The following FAM13B variants were observed in gnomAD, a reference collection of about 807,000 sequenced individuals.
FAM13B encodes protein FAM13B.
FAM13B carries 60 observed loss-of-function variants against 117.3 expected under a neutral mutation model. The ratio of observed to expected loss-of-function variants is 0.51; its 90% CI spans 0.42 to 0.63. FAM13B has a LOEUF of 0.63. Among genes scored for constraint, FAM13B ranks in the 30% least tolerant of loss-of-function variants. FAM13B has a pLI of 0.00. For missense variants in FAM13B, 972 were observed against 1,091.9 expected (o/e 0.89, Z 1.55); for synonymous variants, 332 against 356.1 (o/e 0.93, Z 0.76).
intron 22 of FAM13B, 193 bp from the exon 23 acceptor site, chr5:137,942,238 GAA>G (rs1177134239): frequency 1.7e-6 from 1 of 583,932 alleles, no homozygotes; most frequent in Admixed American, 3.0e-5. Context: ...TCTTCCCAGT[GAA>G]GTCAGGGCTC....
chr5:138,033,286 G>A (rs1461022020), upstream of FAM13B, among the ~76,000 whole-genome samples: 1 of 152,226 alleles, frequency 6.6e-6, no homozygotes, highest in Non-Finnish European at 1.5e-5. Flanking sequence ...GGGGCGGGTT[G>A]TGGGGTCCTC....
chr5:138,032,897 C>T lies in FAM13B; in HGVS notation c.-318G>A, dbSNP rs1790538216. 2 of 985,726 alleles carry T rather than the reference C, an allele frequency of 2.0e-6. No homozygotes were observed. Among genetic ancestry groups the T allele is most frequent in the Non-Finnish European group, 2.4e-6 (2 of 829,998 alleles). 61.1% of individuals were successfully genotyped at this position (985,726 alleles called of 1,614,324 possible). A position where few individuals can be genotyped will look rare whatever the true frequency, so the allele number is the denominator to read the frequency against. ...GGCTCCGCGGCCGAGAAGCCTCTTC[C>T]TGGGGCGGCCGCTGACGGGAGGTTA... On this transcript the variant is annotated 5_prime_UTR_variant, in exon 1 of 24. Transcript: ENST00000689681.
intron 6 of FAM13B, 92 bp from the exon 7 acceptor site, chr5:138,007,239 C>G: frequency 1.0e-6 from 1 of 1,001,502 alleles, no homozygotes; most frequent in Non-Finnish European, 1.4e-6. Context: ...TAAACACAAA[C>G]AACTCATTTT....
intron 9 of FAM13B, among the ~76,000 whole-genome samples, chr5:137,986,367 CT>C (rs201038309): frequency 3.3e-5 from 5 of 150,190 alleles, no homozygotes; most frequent in African/African-American, 2.5e-5. Context: ...CCCCAATTAT[CT>C]TTTTTTTTCC....
chr5:137,976,602 C>T (rs1303802112), intron 10 of FAM13B, among the ~76,000 whole-genome samples: 2 of 152,110 alleles, frequency 1.3e-5, no homozygotes, highest in Admixed American at 6.6e-5. Context: ...GGCAGAAGAA[C>T]GTGGATTGTG....
intron 1 of FAM13B, among the ~76,000 whole-genome samples, chr5:138,041,233 G>T (rs1791492857): frequency 6.6e-6 from 1 of 152,152 alleles, no homozygotes; most frequent in Non-Finnish European, 1.5e-5. Flanking sequence ...CAAAATGCGA[G>T]AAGTAATGGT....
intron 22 of FAM13B, chr5:137,942,664 G>T (rs1762208902): frequency 1.9e-6 from 1 of 523,368 alleles, no homozygotes; most frequent in Non-Finnish European, 3.2e-6. Flanking sequence ...TGCCTGGCTA[G>T]ATTTTTTTTT....
At chr5:137,958,391 A>G (rs1262545438) in intron 13 of FAM13B, among the ~76,000 whole-genome samples, 5 of 152,188 alleles carry the variant, frequency 3.3e-5, no homozygotes, top group African/African-American at 1.2e-4. Flanking sequence ...AGATGGCAAT[A>G]AAAATTGGCA....
intron 10 of FAM13B, among the ~76,000 whole-genome samples, chr5:137,967,550 A>G (rs1770433779): frequency 6.6e-6 from 1 of 152,038 alleles, no homozygotes; most frequent in Admixed American, 6.6e-5. Flanking sequence ...ACCAAAAAGG[A>G]AAAATACCAT....
chr5:138,018,408 T>C lies in FAM13B; in HGVS notation c.264A>G (p.Glu88=), dbSNP rs764395189. The change falls in exon 4 of 24, where the codon GAA becomes GAG. Residue 88 remains glutamate (E), a synonymous_variant. Transcript: ENST00000689681. Reference sequence around the variant, plus strand: ...GGCTAATAGCTGAGGGAACATCTGCTTCCTTAACCAAATCCACCTCTTCTC... The same window carrying C: ...GGCTAATAGCTGAGGGAACATCTGCCTCCTTAACCAAATCCACCTCTTCTC... The part of the protein sequence containing the change: ...DSGEEVDLVK[E]ADVPSAISLL... 1.2e-6 allele frequency: 2 copies of C among 1,614,028 alleles called. No individual in the cohort carries two copies. Among genetic ancestry groups the C allele is most frequent in the East Asian group, 2.2e-5 (1 of 44,884 alleles).
At chr5:138,003,208 T>A (rs1410105141) in intron 7 of FAM13B, among the ~76,000 whole-genome samples, 1 of 152,160 alleles carries the variant, frequency 6.6e-6, no homozygotes, top group Non-Finnish European at 1.5e-5. Context: ...AATATGAGCA[T>A]CTTTAATAAC....
intron 1 of FAM13B, among the ~76,000 whole-genome samples, chr5:138,049,070 T>C (rs1581336679): frequency 6.6e-6 from 1 of 151,498 alleles, no homozygotes; most frequent in Non-Finnish European, 1.5e-5. Flanking sequence ...GCCACCCGAC[T>C]AGCTGGAGTT....
At chr5:137,987,727 G>A in intron 8 of FAM13B, 111 bp from the exon 9 acceptor site, 1 of 959,566 alleles carries the variant, frequency 1.0e-6, no homozygotes, top group South Asian at 2.3e-5. Context: ...TACTTAAATG[G>A]GTAAACCAAA....
chr5:138,028,245 T>C (rs535510172), intron 1 of FAM13B, among the ~76,000 whole-genome samples: 3 of 152,360 alleles, frequency 2.0e-5, no homozygotes, highest in African/African-American at 7.2e-5. Context: ...GTAGAAGCTA[T>C]TTCTTGCAAC....
At chr5:137,949,264 CAAGA>C (rs1764269064) in intron 17 of FAM13B, 80 bp from the exon 18 acceptor site, 1 of 1,039,242 alleles carries the variant, frequency 9.6e-7, no homozygotes, top group East Asian at 2.4e-5. Context: ...AAATACACAA[CAAGA>C]AAGTATACAT....
chr5:137,939,292 C>G lies in FAM13B; in HGVS notation c.*933G>C, dbSNP rs1386199204. On this transcript the variant is annotated 3_prime_UTR_variant, in exon 24 of 24. Transcript: ENST00000689681. ...GCAGTGGTAGAGCCCTTGTTAAGAACAGATTTACTTTAGGCATAATATTTT... is the reference window on the plus strand; with the variant it reads ...GCAGTGGTAGAGCCCTTGTTAAGAAGAGATTTACTTTAGGCATAATATTTT... 6.6e-6 allele frequency: 1 copy of G among 152,488 alleles called. No individual in the cohort carries two copies. The highest frequency in any genetic ancestry group is 1.5e-5 in the Non-Finnish European group (1 of 68,016). The allele number at this position is 152,488 out of a possible 1,614,324, so 9.4% of individuals were successfully genotyped here. A position where few individuals can be genotyped will look rare whatever the true frequency, so the allele number is the denominator to read the frequency against.
At chr5:137,946,899 T>C (rs17523126) in intron 18 of FAM13B, among the ~76,000 whole-genome samples, 34,905 of 152,092 alleles carry the variant, frequency 0.23, 4,224 homozygotes, top group African/African-American at 0.28. Flanking sequence ...AGCTCAACAA[T>C]GTCCATTTGT....
intron 18 of FAM13B, 42 bp from the exon 19 acceptor site, chr5:137,946,353 AAAC>A: frequency 1.5e-6 from 2 of 1,364,210 alleles, no homozygotes; most frequent in Non-Finnish European, 2.0e-6. Context: ...AAAAAAAAAA[AAAC>A]AAAAACAAAA....
Position 137,965,110 on chromosome 5 carries a change from G to A in FAM13B, c.1180-2641C>T, listed in dbSNP as rs114963442. Reference sequence around the variant, plus strand: ...AACCCAGTGGGGAGGAGCAGATTGCGGTGAGTGGAGACTGTGCCACTGCAC... The same window carrying A: ...AACCCAGTGGGGAGGAGCAGATTGCAGTGAGTGGAGACTGTGCCACTGCAC... On this transcript the variant is annotated intron_variant, in intron 10 of 23. Transcript: ENST00000689681. 6.5e-3 allele frequency among the ~76,000 whole-genome samples: 989 copies of A among 151,852 alleles called. 16 individuals are homozygous for A. The highest frequency in any genetic ancestry group is 0.023 in the African/African-American group (957 of 41,432).
Sources: gnomAD v4.1 joint callset for allele counts (sites outside exome capture counted in the v4.1 genomes callset) on GRCh38, gnomAD v4.1.1 for gene constraint, MANE v1.5 for transcripts, NCBI Gene and HGNC (gene_info 2026-07-23, HGNC 2026-07-21) for gene names.